The following MAPRE3 variants were observed in gnomAD, a reference collection of about 807,000 sequenced individuals.
The protein encoded by MAPRE3 is microtubule associated protein RP/EB family member 3.
In MAPRE3, 2 loss-of-function variants were observed where a neutral mutation model predicts 30.5. The ratio of observed to expected loss-of-function variants is 0.07; its 90% confidence interval spans 0.03 to 0.21. The LOEUF is 0.21. Ranked by LOEUF, MAPRE3 falls within the 10% of genes least tolerant of loss-of-function variation. The probability of loss-of-function intolerance (pLI) is 1.00; values close to 1 mark genes in which losing one functional copy is unlikely to be tolerated. For synonymous variants in MAPRE3, 110 were observed against 127.7 expected, an observed-to-expected ratio of 0.86 and a Z score of 0.93; for missense variants, 204 against 351.8, an observed-to-expected ratio of 0.58 and a Z score of 3.36.
chr2:26,978,389 A>T (rs1212679748), intron 1 of MAPRE3, among the ~76,000 whole-genome samples: 1 of 152,190 alleles, frequency 6.6e-6, no homozygotes, highest in African/African-American at 2.4e-5. Context: ...TGTGCTGTGT[A>T]GCCAGGCCTT....
intron 1 of MAPRE3, among the ~76,000 whole-genome samples, chr2:26,974,218 A>G (rs2148194361): frequency 6.6e-6 from 1 of 152,370 alleles, no homozygotes; most frequent in South Asian, 2.1e-4. Context: ...AAAGGGTTTT[A>G]ATAAAAATAA....
Position 27,008,690 on chromosome 2 carries a change from G to A in MAPRE3, c.-7-13522G>A, listed in dbSNP as rs146824602. Among the ~76,000 whole-genome samples the A allele has an allele frequency of 5.3e-5, 8 of 152,270 alleles. No individual in the cohort carries two copies. In the East Asian group the frequency reaches 1.2e-3, roughly 22 times the overall value. Reference sequence around the variant, plus strand: ...AGTTCCTAGAGGACAGAAAGGTTTGGAGAGGAGAACTCTCCCAGAGCCAGA... The same window carrying A: ...AGTTCCTAGAGGACAGAAAGGTTTGAAGAGGAGAACTCTCCCAGAGCCAGA... On this transcript the variant is annotated intron_variant, in intron 1 of 6. Transcript: ENST00000233121.
At chr2:27,022,431 C>A in intron 2 of MAPRE3, 92 bp downstream of exon 2, 1 of 1,483,962 alleles carries the variant, frequency 6.7e-7, no homozygotes, top group South Asian at 1.2e-5. Context: ...AATATACAGT[C>A]ATGCATGGCT....
chr2:27,020,413 C>T (rs1667084807), intron 1 of MAPRE3, among the ~76,000 whole-genome samples: 2 of 152,238 alleles, frequency 1.3e-5, no homozygotes, highest in South Asian at 2.1e-4. Context: ...TCACAATTCT[C>T]GGAAAACACA....
intron 1 of MAPRE3, among the ~76,000 whole-genome samples, chr2:26,988,419 T>C (rs1666263217): frequency 6.6e-6 from 1 of 152,246 alleles, no homozygotes; most frequent in Non-Finnish European, 1.5e-5. Flanking sequence ...TGGTCATTAA[T>C]AGCTGCAACT....
At chr2:26,994,628 G>C (rs1455891122) in intron 1 of MAPRE3, among the ~76,000 whole-genome samples, 1 of 152,080 alleles carries the variant, frequency 6.6e-6, no homozygotes. Context: ...AGTTTGCCAA[G>C]TTTGTAGCTT....
intron 1 of MAPRE3, among the ~76,000 whole-genome samples, chr2:26,991,684 A>G (rs1006061393): frequency 5.9e-5 from 9 of 152,108 alleles, no homozygotes; most frequent in African/African-American, 2.2e-4. Context: ...TTCTATTTCC[A>G]TCCCTTCAGA....
At chr2:27,006,626 G>T (rs957111149) in intron 1 of MAPRE3, among the ~76,000 whole-genome samples, 2 of 152,036 alleles carry the variant, frequency 1.3e-5, no homozygotes, top group South Asian at 2.1e-4. Context: ...TAGAGACGGG[G>T]TCATGCTATG....
intron 1 of MAPRE3, among the ~76,000 whole-genome samples, chr2:26,979,892 G>A (rs1051804347): frequency 6.6e-6 from 1 of 152,218 alleles, no homozygotes; most frequent in African/African-American, 2.4e-5. Context: ...CAACGTGACT[G>A]TGGGTTGCAG....
At chr2:26,988,723 G>C (rs1666267702) in intron 1 of MAPRE3, among the ~76,000 whole-genome samples, 1 of 152,188 alleles carries the variant, frequency 6.6e-6, no homozygotes, top group African/African-American at 2.4e-5. Flanking sequence ...GAAAAATGCA[G>C]ACTCTGAAGC....
rs1666218155 is a variant in MAPRE3, at chr2:26,986,289, C to G, written c.-8+15487C>G. On this transcript the variant is annotated intron_variant, in intron 1 of 6. Transcript: ENST00000233121. The surrounding 1 kb of genome is among the most constrained non-coding windows in gnomAD (Gnocchi z 4.2). ...AGATAATCCAGGATAATCTTCCCATCACAGAAACCTTAATCACATCTGCAA... is the reference window on the plus strand; with the variant it reads ...AGATAATCCAGGATAATCTTCCCATGACAGAAACCTTAATCACATCTGCAA... Among the ~76,000 whole-genome samples the G allele has an allele frequency of 1.3e-5, 2 of 152,160 alleles. No homozygotes were observed. Among genetic ancestry groups the G allele is most frequent in the Admixed American group, 1.3e-4 (2 of 15,280 alleles).
In MAPRE3 at chr2:27,005,849, C is replaced by T. The variant is rs369749070; in HGVS notation, c.-7-16363C>T. On this transcript the variant is annotated intron_variant, in intron 1 of 6. Coordinates refer to ENST00000233121, the MANE Select transcript of MAPRE3 (RefSeq NM_012326.4). ...TTTTCAGTGAGCAACAAATATTGTA[C>T]AGCATGGAGGACCATCAAATTTAAA... Among the ~76,000 whole-genome samples the T allele has an allele frequency of 1.4e-4, 21 of 152,310 alleles. No individual in the cohort carries two copies. In the South Asian group the frequency reaches 2.3e-3, roughly 17 times the overall value.
Position 27,017,989 on chromosome 2 carries a change from GT to G in MAPRE3, c.-7-4222del, listed in dbSNP as rs956971553. Among the ~76,000 whole-genome samples, 3 of 152,300 alleles carry G rather than the reference GT, an allele frequency of 2.0e-5. No homozygotes were observed. The East Asian group carries it at 5.8e-4, about 29-fold the overall frequency. The stretch of plus-strand genomic sequence containing the variant: ...CTGAACCATTAGCAGGTCCAATCCT[GT>G]GGAACCAGGAAAGCTGCCCCCAGGC... On this transcript the variant is annotated intron_variant, in intron 1 of 6. Transcript: ENST00000233121.
intron 1 of MAPRE3, among the ~76,000 whole-genome samples, chr2:27,010,676 CA>C: frequency 1.3e-5 from 2 of 152,204 alleles, no homozygotes; most frequent in South Asian, 2.1e-4. Flanking sequence ...CTCCTGACCT[CA>C]GGTGATCCAC....
At chr2:26,998,717 G>T (rs1454969141) in intron 1 of MAPRE3, among the ~76,000 whole-genome samples, 1 of 152,212 alleles carries the variant, frequency 6.6e-6, no homozygotes, top group Non-Finnish European at 1.5e-5. Flanking sequence ...GTACCCAGAA[G>T]GCTAGGCTAA....
Position 27,024,043 on chromosome 2 carries a change from C to T in MAPRE3, c.268-53C>T, listed in dbSNP as rs1173664269. 1.1e-5 allele frequency: 15 copies of T among 1,413,152 alleles called. No homozygotes were observed. The East Asian group carries it at 1.8e-4, about 17-fold the overall frequency. The allele number at this position is 1,413,152 out of a possible 1,614,324, so 87.5% of individuals were successfully genotyped here. A position where few individuals can be genotyped will look rare whatever the true frequency, so the allele number is the denominator to read the frequency against. Reference sequence around the variant, plus strand: ...AGCAGTGGCCCTCAGCAGAGGAAGGCGGTCCTACAGCAGCAGGTGGCTAAA... The same window carrying T: ...AGCAGTGGCCCTCAGCAGAGGAAGGTGGTCCTACAGCAGCAGGTGGCTAAA... On this transcript the variant is annotated intron_variant, in intron 3 of 6. Coordinates refer to ENST00000233121, the MANE Select transcript of MAPRE3 (RefSeq NM_012326.4).
At chr2:27,012,722 A>T (rs904175542) in intron 1 of MAPRE3, 9 of 152,712 alleles carry the variant, frequency 5.9e-5, no homozygotes, top group African/African-American at 2.2e-4. Flanking sequence ...GGGCACAGAG[A>T]GTTCAACAAA....
intron 1 of MAPRE3, among the ~76,000 whole-genome samples, chr2:26,977,500 T>C (rs571080570): frequency 8.5e-5 from 13 of 152,182 alleles, no homozygotes; most frequent in Non-Finnish European, 1.5e-4. Context: ...CATTTTTTGG[T>C]GTGGATGTGC....
intron 1 of MAPRE3, among the ~76,000 whole-genome samples, chr2:26,979,257 G>A (rs759267247): frequency 5.3e-5 from 8 of 152,208 alleles, no homozygotes; most frequent in Non-Finnish European, 1.0e-4. Flanking sequence ...AAAGGATGCT[G>A]AGAGGAAAAT....
Sources: gnomAD v4.1 joint callset for allele counts (sites outside exome capture counted in the v4.1 genomes callset) on GRCh38, gnomAD v4.1.1 for gene constraint, Gnocchi (gnomAD v3.1) non-coding constraint, MANE v1.5 for transcripts, NCBI Gene and HGNC (gene_info 2026-07-23, HGNC 2026-07-21) for gene names.